Variants in NOTCH3 observed in about 807,000 individuals in gnomAD.
NOTCH3 encodes the protein notch receptor 3, also known as neurogenic locus notch homolog protein 3.
A neutral mutation model predicts 213.3 loss-of-function variants in NOTCH3; 86 were observed. The observed-to-expected ratio is 0.40, with a 90% CI of 0.34 to 0.48. The LOEUF (loss-of-function observed/expected upper bound fraction) is 0.48, where lower values mean the gene tolerates loss of function less well. Ranked by LOEUF, NOTCH3 falls within the 20% of genes least tolerant of loss-of-function variation. NOTCH3 has a pLI of 0.57. For synonymous variants in NOTCH3, 1,354 were observed against 1,355.9 expected, an observed-to-expected ratio of 1.00 and a Z score of 0.03; for missense variants, 2,783 against 3,272.6, an observed-to-expected ratio of 0.85 and a Z score of 3.65.
At chr19:15,173,107 T>C (rs145729962) in intron 25 of NOTCH3, among the ~76,000 whole-genome samples, 16,596 of 20,204 alleles carry the variant, frequency 0.82, 7,257 homozygotes, top group Middle Eastern at 0.91. Flanking sequence ...TCTTCTTCTT[T>C]TTTTTTTTTT....
chr19:15,165,075 C>G lies in NOTCH3; in HGVS notation c.5815+293G>C, dbSNP rs1159637677. 6.6e-6 allele frequency among the ~76,000 whole-genome samples: 1 copy of G among 152,180 alleles called. No homozygotes were observed. Among genetic ancestry groups the G allele is most frequent in the African/African-American group, 2.4e-5 (1 of 41,434 alleles). On this transcript the variant is annotated intron_variant, in intron 31 of 32. Coordinates refer to ENST00000263388, the MANE Select transcript of NOTCH3 (RefSeq NM_000435.3). The surrounding 1 kb of genome is among the most constrained non-coding windows in gnomAD (Gnocchi z 4.7). ...CACAGGCATGAGCCACCACACATGG[C>G]CTGATGTGTACGTTTATTATAATAA...
At chr19:15,192,347 T>C (rs1482537755) in intron 3 of NOTCH3, 30 bp downstream of exon 3, 14 of 1,612,694 alleles carry the variant, frequency 8.7e-6, no homozygotes, top group Non-Finnish European at 1.2e-5. Flanking sequence ...CACCCCCGAC[T>C]ACCTCCCCTC....
At chr19:15,175,915 G>C (rs1192494877) in intron 24 of NOTCH3, among the ~76,000 whole-genome samples, 2 of 151,478 alleles carry the variant, frequency 1.3e-5, no homozygotes, top group African/African-American at 4.8e-5. Context: ...GGAGATTAAG[G>C]GGGTGGAGGG....
intron 2 of NOTCH3, among the ~76,000 whole-genome samples, chr19:15,194,437 C>T (rs1257181220): frequency 6.6e-6 from 1 of 152,160 alleles, no homozygotes; most frequent in Non-Finnish European, 1.5e-5. Flanking sequence ...TTTCAGACTT[C>T]CAACCTCCAG....
At position 15,161,589 on chromosome 19, in the gene NOTCH3, C is replaced by A; in HGVS notation, c.6039G>T (p.Gln2013His). Residue 2013 changes from glutamine (Q) to histidine (H), a missense_variant, in exon 33 of 33, where the codon CAG (glutamine) becomes CAT (histidine). Transcript: ENST00000263388. ...GCACGATGTCCTGGTGCAGTCTCTCCTGGGCTACGTCCCGCGGCAGCCTGT... is the reference window on the plus strand; with the variant it reads ...GCACGATGTCCTGGTGCAGTCTCTCATGGGCTACGTCCCGCGGCAGCCTGT... ...HLDRLPRDVA[Q>H]ERLHQDIVRL... 6.2e-7 allele frequency: 1 copy of A among 1,611,848 alleles called. No individual in the cohort carries two copies. Among genetic ancestry groups the A allele is most frequent in the Non-Finnish European group, 8.5e-7 (1 of 1,179,194 alleles).
Position 15,189,165 on chromosome 19 carries a change from G to A in NOTCH3, c.1202C>T (p.Pro401Leu). ...CACGCACCTGCCCAAGTGCTCGCAG[G>A]GGTTGGCGCCTGCCGGATGGAGTGC... ...DVDECSIGAN[P>L]CEHLGRCVNT... Residue 401 changes from proline (P) to leucine (L), a missense_variant, in exon 8 of 33, where the codon CCC (proline) becomes CTC (leucine). Pro to Leu is a moderately conservative substitution (Grantham distance 98). Coordinates refer to ENST00000263388, the MANE Select transcript of NOTCH3 (RefSeq NM_000435.3). 6.2e-7 allele frequency: 1 copy of A among 1,613,346 alleles called. No individual in the cohort carries two copies. Among genetic ancestry groups the A allele is most frequent in the Non-Finnish European group, 8.5e-7 (1 of 1,180,034 alleles).
chr19:15,192,562 G>A, intron 2 of NOTCH3, 43 bp from the exon 3 acceptor site: 1 of 1,551,962 alleles, frequency 6.4e-7, no homozygotes, highest in Non-Finnish European at 8.7e-7. Context: ...AGGGCAGGAT[G>A]GCCCCAGACA....
Position 15,160,468 on chromosome 19 carries a change from C to G in NOTCH3, c.*194G>C. 1 of 623,182 alleles carries G rather than the reference C, an allele frequency of 1.6e-6. No homozygotes were observed. Among genetic ancestry groups the G allele is most frequent in the Admixed American group, 2.6e-5 (1 of 39,014 alleles). The allele number at this position is 623,182 out of a possible 1,614,324, so 38.6% of individuals were successfully genotyped here. A position where few individuals can be genotyped will look rare whatever the true frequency, so the allele number is the denominator to read the frequency against. On this transcript the variant is annotated 3_prime_UTR_variant, in exon 33 of 33. Transcript: ENST00000263388. ...CTGAGAGGGTGGGTGGTAGCCCCCA[C>G]CCATTATAAATAAAGGAAGACTGAA...
At chr19:15,177,499 C>T (rs1002081921) in intron 24 of NOTCH3, 26 bp downstream of exon 24, 10 of 1,594,884 alleles carry the variant, frequency 6.3e-6, no homozygotes, top group Admixed American at 1.7e-5. Context: ...CATAGACAGA[C>T]GGATCGATCG....
intron 32 of NOTCH3, among the ~76,000 whole-genome samples, chr19:15,162,141 C>A (rs2046650258): frequency 6.6e-6 from 1 of 151,686 alleles, no homozygotes; most frequent in African/African-American, 2.4e-5. Context: ...ACCACTACGC[C>A]CAGCTAATTT....
intron 10 of NOTCH3, 36 bp downstream of exon 10, chr19:15,187,845 C>G (rs1568359877): frequency 2.0e-6 from 3 of 1,506,642 alleles, no homozygotes; most frequent in Non-Finnish European, 9.0e-7. Flanking sequence ...AGCCCCGCCT[C>G]CTGATTCTTG....
intron 25 of NOTCH3, among the ~76,000 whole-genome samples, chr19:15,173,069 T>TCTTCC (rs1318567435): frequency 0.5 from 6,563 of 13,248 alleles, 2,418 homozygotes; most frequent in Non-Finnish European, 0.56. Context: ...CTTCTTCTTC[T>TCTTCC]TCTTCTTCTT....
Position 15,185,034 on chromosome 19 carries a change from A to G in NOTCH3, c.2297-15T>C. 7.1e-7 allele frequency: 1 copy of G among 1,407,688 alleles called. No homozygotes were observed. Among genetic ancestry groups the G allele is most frequent in the Non-Finnish European group, 9.7e-7 (1 of 1,030,402 alleles). The allele number at this position is 1,407,688 out of a possible 1,614,324, so 87.2% of individuals were successfully genotyped here. A position where few individuals can be genotyped will look rare whatever the true frequency, so the allele number is the denominator to read the frequency against. On this transcript the variant is annotated splice_polypyrimidine_tract_variant and intron_variant, in intron 14 of 32. Transcript: ENST00000263388. This position sits in a 1 kb window ranked among gnomAD's most constrained non-coding sequence, Gnocchi z 4.2. ...ACACTGACGTCCTGTTGGGGGTGGA[A>G]GAGAGGGAAGCAGAGATAGCCTTGA...
intron 9 of NOTCH3, 117 bp downstream of exon 9, chr19:15,188,118 A>G (rs887660703): frequency 1.5e-5 from 16 of 1,062,154 alleles, no homozygotes; most frequent in Non-Finnish European, 2.1e-5. Context: ...TCAATGTTTC[A>G]TAACATATGG....
rs771722116 is a variant in NOTCH3 at position 15,162,332 on chromosome 19, A to G, written c.5913+133T>C. 3 of 776,480 alleles carry G rather than the reference A, an allele frequency of 3.9e-6. No homozygotes were observed. In the South Asian group the frequency reaches 4.7e-5, roughly 12 times the overall value. The allele number at this position is 776,480 out of a possible 1,614,324, so 48.1% of individuals were successfully genotyped here. A position where few individuals can be genotyped will look rare whatever the true frequency, so the allele number is the denominator to read the frequency against. On this transcript the variant is annotated intron_variant, in intron 32 of 32. Coordinates refer to ENST00000263388, the MANE Select transcript of NOTCH3 (RefSeq NM_000435.3). The stretch of plus-strand genomic sequence containing the variant: ...CCAAAAACTTTAGTCACCAAAGTAA[A>G]TTATATTTTAATCCAATGTTTGGGG...
rs997989562 is a variant in NOTCH3, at chr19:15,165,336, C to T, written c.5815+32G>A. ...CCCTCAGGGCCCAGGTGACACCAAC[C>T]CAGCTTAGACTTGATTCCTCTGCCA... On this transcript the variant is annotated intron_variant, in intron 31 of 32. Transcript: ENST00000263388. The surrounding 1 kb of genome is among the most constrained non-coding windows in gnomAD (Gnocchi z 4.7). 13 of 1,600,574 alleles carry T rather than the reference C, an allele frequency of 8.1e-6. No individual in the cohort carries two copies. In the South Asian group the frequency reaches 1.3e-4, roughly 16 times the overall value.
At chr19:15,191,893 T>C in intron 4 of NOTCH3, 26 bp from the exon 5 acceptor site, 1 of 1,613,854 alleles carries the variant, frequency 6.2e-7, no homozygotes, top group Non-Finnish European at 8.5e-7. Flanking sequence ...GCAAGGATGG[T>C]CACCGCCGGG....
chr19:15,187,857 C>A, intron 10 of NOTCH3, 24 bp downstream of exon 10: 5 of 1,530,620 alleles, frequency 3.3e-6, no homozygotes, highest in South Asian at 1.2e-5. Flanking sequence ...TGATTCTTGT[C>A]GGACTGTCAT....
intron 2 of NOTCH3, among the ~76,000 whole-genome samples, chr19:15,193,646 C>T (rs139624398): frequency 0.011 from 1,653 of 151,582 alleles, 41 homozygotes; most frequent in African/African-American, 0.039. Flanking sequence ...TGGCAGGAGC[C>T]TGTAATCCCA....
Sources: allele counts gnomAD v4.1 joint callset (sites outside exome capture counted in the v4.1 genomes callset), GRCh38; gene constraint gnomAD v4.1.1; non-coding constraint Gnocchi (gnomAD v3.1); transcripts MANE v1.5; gene names NCBI Gene and HGNC (gene_info 2026-07-23, HGNC 2026-07-21).